CADPS2: variants seen among roughly 807,000 people sequenced by gnomAD.
CADPS2 encodes the protein calcium-dependent secretion activator 2.
A neutral mutation model predicts 172.5 loss-of-function variants in CADPS2; 93 were observed. The observed-to-expected ratio is 0.54, with a 90% confidence interval of 0.46 to 0.64. CADPS2 has a LOEUF of 0.64. Ranked by LOEUF, CADPS2 falls within the 30% of genes least tolerant of loss-of-function variation. The probability of loss-of-function intolerance (pLI) is 0.00; values close to 1 mark genes in which losing one functional copy is unlikely to be tolerated. For missense variants in CADPS2, 1,420 were observed against 1,565.9 expected (o/e 0.91, Z 1.57); for synonymous variants, 546 against 555.2 (o/e 0.98, Z 0.23).
At chr7:122,672,599 T>A (rs368078375) in intron 2 of CADPS2, among the ~76,000 whole-genome samples, 1 of 152,160 alleles carries the variant, frequency 6.6e-6, no homozygotes, top group Admixed American at 6.5e-5. Flanking sequence ...CCTGGGAGAA[T>A]AGAGACAGAA....
intron 20 of CADPS2, 119 bp downstream of exon 20, chr7:122,407,420 TA>T: frequency 9.0e-7 from 1 of 1,110,178 alleles, no homozygotes; most frequent in Non-Finnish European, 1.3e-6. Context: ...TGAGCAAACC[TA>T]AATGTTACCC....
chr7:122,658,474 A>G (rs1439177815), intron 3 of CADPS2, among the ~76,000 whole-genome samples: 1 of 152,216 alleles, frequency 6.6e-6, no homozygotes, highest in East Asian at 1.9e-4. Flanking sequence ...AATAGCAAAG[A>G]CTTGGAACCA....
In CADPS2 at chr7:122,867,659, T is replaced by C. The variant is rs114732355; in HGVS notation, c.339+18340A>G. ...ACTGCATGGTCATTCCCAGCAGTTG[T>C]AGCCCCCAGGATCAGCCCAACTTCT... On this transcript the variant is annotated intron_variant, in intron 1 of 29. Transcript: ENST00000449022. Among the ~76,000 whole-genome samples the C allele has an allele frequency of 2.8e-3, 425 of 152,306 alleles. 2 individuals are homozygous for C. Among genetic ancestry groups the C allele is most frequent in the African/African-American group, 9.9e-3 (410 of 41,578 alleles).
intron 2 of CADPS2, among the ~76,000 whole-genome samples, chr7:122,705,675 A>C (rs1394152123): frequency 1.5e-5 from 1 of 67,306 alleles, no homozygotes; most frequent in Admixed American, 2.3e-4. Context: ...ATAATATATT[A>C]TATAATATAT....
intron 17 of CADPS2, among the ~76,000 whole-genome samples, chr7:122,426,680 A>T (rs2151856523): frequency 1.3e-5 from 2 of 152,314 alleles, no homozygotes; most frequent in Middle Eastern, 6.8e-3. Context: ...TCATACATGT[A>T]ACCTACTCAG....
chr7:122,360,080 C>A (rs1232005881), intron 27 of CADPS2, among the ~76,000 whole-genome samples: 1 of 152,138 alleles, frequency 6.6e-6, no homozygotes, highest in East Asian at 1.9e-4. Context: ...AATTCTAATT[C>A]TTTGAAAATT....
At chr7:122,443,464 T>C (rs1259916310) in intron 15 of CADPS2, among the ~76,000 whole-genome samples, 3 of 152,268 alleles carry the variant, frequency 2.0e-5, no homozygotes, top group African/African-American at 4.8e-5. Context: ...CCACATTATA[T>C]ACCTAACATG....
intron 1 of CADPS2, among the ~76,000 whole-genome samples, chr7:122,771,809 T>C (rs1241252106): frequency 1.3e-5 from 2 of 152,166 alleles, no homozygotes; most frequent in African/African-American, 4.8e-5. Context: ...AAAGAGAAAC[T>C]GTGGGTACCT....
chr7:122,755,825 A>G, intron 1 of CADPS2, among the ~76,000 whole-genome samples: 1 of 152,148 alleles, frequency 6.6e-6, no homozygotes, highest in East Asian at 1.9e-4. Flanking sequence ...TGAGATCAAG[A>G]GCTTATTCTG....
intron 4 of CADPS2, 135 bp from the exon 5 acceptor site, chr7:122,621,852 T>G (rs1178198001): frequency 1.7e-6 from 1 of 606,054 alleles, no homozygotes; most frequent in Non-Finnish European, 2.8e-6. Flanking sequence ...CTTGAGTCAC[T>G]AGGCTGTAAA....
chr7:122,534,050 CCTT>C (rs2062010600), intron 8 of CADPS2, among the ~76,000 whole-genome samples: 1 of 152,092 alleles, frequency 6.6e-6, no homozygotes, highest in Non-Finnish European at 1.5e-5. Flanking sequence ...ACATTCAACT[CCTT>C]TATTATCCTC....
In CADPS2 at chr7:122,885,990, G is replaced by A; in HGVS notation, c.339+9C>T. 2 of 1,598,826 alleles carry A rather than the reference G, an allele frequency of 1.3e-6. No homozygotes were observed. The highest frequency in any genetic ancestry group is 1.7e-4 in the Middle Eastern group (1 of 5,870). On this transcript the variant is annotated intron_variant, in intron 1 of 29. Transcript: ENST00000449022. ...GTGGTGGTAGGAGGCGCCCGGTCCC[G>A]CAACTCACCTTCTGCTGCCTCCGGG...
At chr7:122,497,186 AT>A (rs1253919897) in intron 9 of CADPS2, among the ~76,000 whole-genome samples, 3 of 152,068 alleles carry the variant, frequency 2.0e-5, no homozygotes. Context: ...TTAAAAAAAA[AT>A]CTCTTCAGTC....
chr7:122,763,285 G>A (rs755221533), intron 1 of CADPS2, among the ~76,000 whole-genome samples: 1 of 152,100 alleles, frequency 6.6e-6, no homozygotes, highest in Non-Finnish European at 1.5e-5. Flanking sequence ...ATGAATACAA[G>A]TCTATGAAAC....
Position 122,360,782 on chromosome 7 carries a change from A to G in CADPS2, c.3504+6T>C. On this transcript the variant is annotated splice_donor_region_variant and intron_variant, in intron 27 of 29. Transcript: ENST00000449022. ...CAGTTTTAAAAAGCAGATAAAAAAT[A>G]CTTACTGGAACATCAACATATTTTG... 1.9e-6 allele frequency: 3 copies of G among 1,550,344 alleles called. No individual in the cohort carries two copies. The highest frequency in any genetic ancestry group is 2.6e-6 in the Non-Finnish European group (3 of 1,148,304).
At chr7:122,635,647 T>C (rs553632530) in intron 3 of CADPS2, among the ~76,000 whole-genome samples, 3 of 152,196 alleles carry the variant, frequency 2.0e-5, no homozygotes, top group Admixed American at 6.5e-5. Flanking sequence ...CCATGGTGTA[T>C]ATGTGCCACA....
chr7:122,438,711 A>G (rs529382711), intron 16 of CADPS2, among the ~76,000 whole-genome samples: 2 of 151,928 alleles, frequency 1.3e-5, no homozygotes, highest in African/African-American at 4.8e-5. Context: ...GCATATCAAA[A>G]CCTCCCCTAG....
intron 12 of CADPS2, among the ~76,000 whole-genome samples, chr7:122,476,965 T>C (rs1299267438): frequency 4.3e-5 from 3 of 70,016 alleles, no homozygotes; most frequent in Non-Finnish European, 5.4e-5. Context: ...CTGAATGAAA[T>C]GGGGTGGCGG....
chr7:122,833,565 T>G (rs1807301275), intron 1 of CADPS2, among the ~76,000 whole-genome samples: 1 of 151,952 alleles, frequency 6.6e-6, no homozygotes, highest in Non-Finnish European at 1.5e-5. Context: ...GTTTTGTTTT[T>G]TTGTAATTTT....
Sources: allele counts gnomAD v4.1 joint callset (sites outside exome capture counted in the v4.1 genomes callset), GRCh38; gene constraint gnomAD v4.1.1; transcripts MANE v1.5; gene names NCBI Gene and HGNC (gene_info 2026-07-23, HGNC 2026-07-21).